The following PRKG1 variants were observed in gnomAD, a reference collection of about 807,000 sequenced individuals.
PRKG1 encodes the protein cGMP-dependent protein kinase 1.
PRKG1 carries 35 observed loss-of-function variants against 88.1 expected under a neutral mutation model. The observed-to-expected ratio is 0.40, with a 90% CI of 0.30 to 0.53. PRKG1 has a LOEUF of 0.53. Ranked by LOEUF, PRKG1 falls within the 20% of genes least tolerant of loss-of-function variation. The pLI, the probability that PRKG1 is intolerant of heterozygous loss-of-function variation, is 0.59. For synonymous variants in PRKG1, 303 were observed against 292.5 expected, an observed-to-expected ratio of 1.04 and a Z score of -0.37; for missense variants, 540 against 839.8, an observed-to-expected ratio of 0.64 and a Z score of 4.41.
At chr10:52,038,245 G>C (rs964200347) in intron 5 of PRKG1, among the ~76,000 whole-genome samples, 1 of 152,044 alleles carries the variant, frequency 6.6e-6, no homozygotes, top group Non-Finnish European at 1.5e-5. Flanking sequence ...GTTGCCTATA[G>C]TGAAGGAAGC....
At chr10:51,987,079 G>A (rs1215871209) in intron 5 of PRKG1, among the ~76,000 whole-genome samples, 1 of 151,622 alleles carries the variant, frequency 6.6e-6, no homozygotes, top group Non-Finnish European at 1.5e-5. Context: ...ATCTACAACT[G>A]GAATTAATAA....
At chr10:52,071,331 G>A (rs905222015) in intron 7 of PRKG1, among the ~76,000 whole-genome samples, 1 of 151,956 alleles carries the variant, frequency 6.6e-6, no homozygotes, top group Non-Finnish European at 1.5e-5. Context: ...AGTGTCTATT[G>A]TTCCCATGAT....
intron 3 of PRKG1, among the ~76,000 whole-genome samples, chr10:51,575,139 G>C (rs1837852807): frequency 6.6e-6 from 1 of 151,878 alleles, no homozygotes; most frequent in African/African-American, 2.4e-5. Context: ...TGATGCCTGT[G>C]GTACTGAGAA....
chr10:51,427,974 A>G (rs1382627704), intron 2 of PRKG1, among the ~76,000 whole-genome samples: 5 of 152,172 alleles, frequency 3.3e-5, no homozygotes, highest in African/African-American at 1.2e-4. Context: ...CATGGAGTGG[A>G]ACAAATATGA....
chr10:51,535,724 G>T (rs891102022), intron 3 of PRKG1, among the ~76,000 whole-genome samples: 4 of 92,406 alleles, frequency 4.3e-5, no homozygotes, highest in African/African-American at 1.2e-4. Flanking sequence ...TGAAATCAAT[G>T]ATTTTTTTTT....
intron 2 of PRKG1, among the ~76,000 whole-genome samples, chr10:51,167,026 G>C (rs1051134069): frequency 1.3e-5 from 2 of 152,098 alleles, no homozygotes; most frequent in Non-Finnish European, 2.9e-5. Flanking sequence ...TGTCTCAGTG[G>C]ACACTGAGGA....
chr10:52,033,863 A>G (rs1332248398), intron 5 of PRKG1, among the ~76,000 whole-genome samples: 2 of 151,944 alleles, frequency 1.3e-5, no homozygotes, highest in African/African-American at 4.8e-5. Flanking sequence ...AGAGTCAGTG[A>G]AGGGAGATAG....
At chr10:51,617,874 C>T (rs1839102235) in intron 3 of PRKG1, among the ~76,000 whole-genome samples, 1 of 152,142 alleles carries the variant, frequency 6.6e-6, no homozygotes, top group African/African-American at 2.4e-5. Flanking sequence ...TACATGGTGG[C>T]AAAGCATCCA....
At position 52,058,301 on chromosome 10, in the gene PRKG1, T is replaced by C. The variant is rs569316589; in HGVS notation, c.840+3740T>C. 1.1e-4 allele frequency among the ~76,000 whole-genome samples: 16 copies of C among 152,210 alleles called. No individual in the cohort carries two copies. The South Asian group carries it at 2.7e-3, about 26-fold the overall frequency. On this transcript the variant is annotated intron_variant, in intron 6 of 17. Transcript: ENST00000373980. ...TTGGACATTATAGAACTGGATATTT[T>C]ACTATAAATGAATATTGAAAAAGCC... is the stretch of plus-strand genomic sequence containing the variant.
intron 1 of PRKG1, among the ~76,000 whole-genome samples, chr10:51,028,970 A>G (rs901244726): frequency 1.3e-5 from 2 of 152,164 alleles, no homozygotes; most frequent in Non-Finnish European, 2.9e-5. Context: ...TAGCTTAGTT[A>G]ACAGCTGTTC....
chr10:52,021,019 G>A (rs145377129), intron 5 of PRKG1, among the ~76,000 whole-genome samples: 330 of 152,164 alleles, frequency 2.2e-3, no homozygotes, highest in African/African-American at 7.0e-3. Context: ...ATTCCTAGTG[G>A]GTGGGGGTGA....
At chr10:51,438,463 A>C (rs1839002088) in intron 2 of PRKG1, among the ~76,000 whole-genome samples, 1 of 151,816 alleles carries the variant, frequency 6.6e-6, no homozygotes, top group Non-Finnish European at 1.5e-5. Context: ...ACAGTTTCTC[A>C]GTCTTGTTTT....
chr10:51,545,373 G>A (rs1842421374), intron 3 of PRKG1, among the ~76,000 whole-genome samples: 1 of 152,074 alleles, frequency 6.6e-6, no homozygotes. Flanking sequence ...TAATGAATTT[G>A]TCCTCATGGG....
In PRKG1 at chr10:51,627,941, C is replaced by CCTTT. The variant is rs1301471363; in HGVS notation, c.592+160132_592+160135dup. 7.4e-3 allele frequency among the ~76,000 whole-genome samples: 185 copies of CCTTT among 25,098 alleles called. 3 individuals are homozygous for CCTTT. The highest frequency in any genetic ancestry group is 0.028 in the East Asian group (14 of 502). 16.5% of individuals were successfully genotyped at this position (25,098 alleles called of 152,430 possible). On this transcript the variant is annotated intron_variant, in intron 3 of 17. Coordinates refer to ENST00000373980, the MANE Select transcript of PRKG1 (RefSeq NM_006258.4). ...CCTTCCCTTCCTTTCTTCCTTCCTT[C>CCTTT]CTTTCTTTCTTTCTTTCTTTCTTTC...
intron 7 of PRKG1, among the ~76,000 whole-genome samples, chr10:52,117,164 CTG>C (rs71459438): frequency 0.024 from 3,306 of 139,290 alleles, 124 homozygotes; most frequent in African/African-American, 0.082. Flanking sequence ...TGTGAAATAT[CTG>C]TGTGTGTGTG....
intron 2 of PRKG1, among the ~76,000 whole-genome samples, chr10:51,203,396 A>G (rs748946322): frequency 7.2e-5 from 11 of 152,186 alleles, no homozygotes; most frequent in Non-Finnish European, 1.5e-4. Context: ...CTCCTTGAGT[A>G]AATTCTTGCT....
intron 3 of PRKG1, among the ~76,000 whole-genome samples, chr10:51,754,686 G>T (rs899843945): frequency 6.6e-6 from 1 of 152,142 alleles, no homozygotes; most frequent in Non-Finnish European, 1.5e-5. Flanking sequence ...CTTGCAGAAG[G>T]TGCCCATTAG....
chr10:52,166,225 T>C (rs1381199008), intron 9 of PRKG1, among the ~76,000 whole-genome samples: 1 of 56,222 alleles, frequency 1.8e-5, no homozygotes, highest in East Asian at 3.0e-4. Context: ...TATTCATTCA[T>C]TTAATAAACA....
At chr10:51,112,767 C>T (rs1222799902) in intron 1 of PRKG1, among the ~76,000 whole-genome samples, 2 of 152,126 alleles carry the variant, frequency 1.3e-5, no homozygotes, top group Non-Finnish European at 2.9e-5. Context: ...CTTTAGTTCA[C>T]TCTTAAACAC....
Sources: allele counts gnomAD v4.1 joint callset (sites outside exome capture counted in the v4.1 genomes callset), GRCh38; gene constraint gnomAD v4.1.1; transcripts MANE v1.5; gene names NCBI Gene and HGNC (gene_info 2026-07-23, HGNC 2026-07-21).